DMXL2: variants seen among roughly 807,000 people sequenced by gnomAD.
DMXL2 encodes the protein dmX-like protein 2.
In DMXL2, 103 loss-of-function variants were observed where a neutral mutation model predicts 331.1. That is an observed-to-expected ratio of 0.31 (90% confidence interval 0.27 to 0.37). The LOEUF is 0.37. Ranked by LOEUF, DMXL2 falls within the 10% of genes least tolerant of loss-of-function variation. The pLI is 1.00. For missense variants in DMXL2, 3,171 were observed against 3,642.9 expected (o/e 0.87, Z 3.33); for synonymous variants, 1,281 against 1,252.1 (o/e 1.02, Z -0.49).
chr15:51,468,029 C>G (rs2140289419), intron 29 of DMXL2, among the ~76,000 whole-genome samples: 1 of 152,188 alleles, frequency 6.6e-6, no homozygotes, highest in East Asian at 1.9e-4. Flanking sequence ...CCGGGCCTGA[C>G]CTAGTACTTC....
intron 1 of DMXL2, among the ~76,000 whole-genome samples, chr15:51,585,440 C>A (rs981864416): frequency 6.6e-6 from 1 of 152,072 alleles, no homozygotes; most frequent in Non-Finnish European, 1.5e-5. Flanking sequence ...AATAGCTGCA[C>A]AGTATTAGTA....
chr15:51,538,372 T>A lies in DMXL2; in HGVS notation c.1186A>T (p.Lys396Ter). Residue 396 changes from lysine (K) to a stop codon, truncating the protein, a stop_gained, in exon 10 of 44, where the codon AAG becomes TAG. Coordinates refer to ENST00000560891, the MANE Select transcript of DMXL2 (RefSeq NM_001378457.1). LOFTEE classifies it high-confidence loss of function. ...GTAGATGATGTAAAATGAAATTCCTTGTTGTTTAACCAATGAACTACAAAG... is the reference window on the plus strand; with the variant it reads ...GTAGATGATGTAAAATGAAATTCCTAGTTGTTTAACCAATGAACTACAAAG... ...GGFVVHWLNNKEFHFTSSTEV... is the reference protein window; with the variant it reads ...GGFVVHWLNN The A allele has an allele frequency of 6.2e-7, 1 of 1,613,722 alleles. No homozygotes were observed. Among genetic ancestry groups the A allele is most frequent in the Non-Finnish European group, 8.5e-7 (1 of 1,179,728 alleles).
At chr15:51,457,916 C>A (rs2039781752) in intron 36 of DMXL2, 1 of 155,536 alleles carries the variant, frequency 6.4e-6, no homozygotes, top group African/African-American at 2.4e-5. Context: ...CTAGTTATAT[C>A]ACATACTAAC....
chr15:51,485,458 G>C (rs1226429209), intron 23 of DMXL2, among the ~76,000 whole-genome samples: 1 of 152,200 alleles, frequency 6.6e-6, no homozygotes, highest in Non-Finnish European at 1.5e-5. Context: ...ACATTCAGGT[G>C]CATGTTTGTA....
intron 13 of DMXL2, among the ~76,000 whole-genome samples, chr15:51,517,885 T>C (rs1382593705): frequency 6.6e-6 from 1 of 152,228 alleles, no homozygotes; most frequent in Non-Finnish European, 1.5e-5. Context: ...TTCTTATTTG[T>C]ATCAGTAGGA....
chr15:51,517,125 T>C lies in DMXL2; in HGVS notation c.2479A>G (p.Thr827Ala), dbSNP rs745544977. ...TCAATAATGCAGCCAGGTCGAGCAG[T>C]AGACTGTTGGCTCACAATATTAAAC... ...EVFNIVSQQS[T>A]ARPGCIIELD... Residue 827 changes from threonine (T) to alanine (A), a missense_variant, in exon 14 of 44, where the codon ACT (threonine) becomes GCT (alanine). Physicochemically the swap from Thr to Ala is moderately conservative, Grantham distance 58. Around this residue, in one of 7 missense-constraint regions of DMXL2, gnomAD observed 1,674 missense variants for 1,780.2 expected, o/e 0.94. Coordinates refer to ENST00000560891, the MANE Select transcript of DMXL2 (RefSeq NM_001378457.1). 6 of 1,614,086 alleles carry C rather than the reference T, an allele frequency of 3.7e-6. No individual in the cohort carries two copies. In the South Asian group the frequency reaches 4.4e-5, roughly 12 times the overall value.
In DMXL2 at chr15:51,547,423, G is replaced by C. The variant is rs2048946077; in HGVS notation, c.568-15C>G. 8 of 1,540,186 alleles carry C rather than the reference G, an allele frequency of 5.2e-6. No individual in the cohort carries two copies. The highest frequency in any genetic ancestry group is 7.0e-6 in the Non-Finnish European group (8 of 1,147,460). The stretch of plus-strand genomic sequence containing the variant: ...AGACAATCATCCTGAAAAATACATA[G>C]GTCAATATAAAATTAATTTGTACAT... On this transcript the variant is annotated splice_polypyrimidine_tract_variant and intron_variant, in intron 6 of 43. Transcript: ENST00000560891.
At chr15:51,497,044 T>C (rs924175423) in intron 18 of DMXL2, among the ~76,000 whole-genome samples, 1 of 152,352 alleles carries the variant, frequency 6.6e-6, no homozygotes, top group South Asian at 2.1e-4. Context: ...AATCATGCCA[T>C]GCCTACTTTC....
chr15:51,470,294 C>G (rs2040980363), intron 29 of DMXL2, among the ~76,000 whole-genome samples: 1 of 152,066 alleles, frequency 6.6e-6, no homozygotes, highest in African/African-American at 2.4e-5. Context: ...CAGCACTGCA[C>G]CTACGTTTTA....
At chr15:51,509,042 C>T (rs1365559425) in intron 15 of DMXL2, among the ~76,000 whole-genome samples, 6 of 151,770 alleles carry the variant, frequency 4.0e-5, no homozygotes. Flanking sequence ...ATTTTTTTTT[C>T]TGGTATGATA....
At chr15:51,601,105 C>T (rs943799641) in intron 1 of DMXL2, among the ~76,000 whole-genome samples, 3 of 152,132 alleles carry the variant, frequency 2.0e-5, no homozygotes, top group Admixed American at 1.3e-4. Context: ...CCCTGGCTAA[C>T]GTGGTGAAAC....
chr15:51,602,578 T>C (rs910278635), intron 1 of DMXL2, among the ~76,000 whole-genome samples: 3 of 152,182 alleles, frequency 2.0e-5, no homozygotes, highest in Admixed American at 1.3e-4. Context: ...ACAAACTTGC[T>C]TGTAAACTCC....
chr15:51,532,495 T>C (rs1473716863), intron 13 of DMXL2, among the ~76,000 whole-genome samples: 2 of 152,166 alleles, frequency 1.3e-5, no homozygotes, highest in African/African-American at 4.8e-5. Flanking sequence ...TAGTCAATAA[T>C]TTAATTGCTC....
intron 1 of DMXL2, among the ~76,000 whole-genome samples, chr15:51,585,911 C>T (rs1358831101): frequency 1.3e-5 from 2 of 152,154 alleles, no homozygotes; most frequent in African/African-American, 2.4e-5. Context: ...CCATTATTAA[C>T]TCCCACCCAC....
intron 6 of DMXL2, among the ~76,000 whole-genome samples, chr15:51,554,966 T>G (rs2049462625): frequency 6.6e-6 from 1 of 152,164 alleles, no homozygotes; most frequent in Non-Finnish European, 1.5e-5. Flanking sequence ...GAGACCAGCC[T>G]GGCCATCATG....
intron 13 of DMXL2, among the ~76,000 whole-genome samples, chr15:51,521,470 G>A (rs4775948): frequency 0.73 from 109,262 of 148,852 alleles, 40,362 homozygotes; most frequent in African/African-American, 0.76. Flanking sequence ...TAGTGGTAGT[G>A]GTAGTAGTAG....
chr15:51,579,268 G>A (rs551497344), intron 1 of DMXL2, among the ~76,000 whole-genome samples: 2 of 152,228 alleles, frequency 1.3e-5, no homozygotes, highest in East Asian at 3.9e-4. Flanking sequence ...TAATAACCAT[G>A]ATTACTGCTA....
chr15:51,474,446 G>T lies in DMXL2; in HGVS notation c.7111C>A (p.Arg2371=). Residue 2371 remains arginine, a synonymous_variant, in exon 28 of 44, where the codon CGG becomes AGG. Transcript: ENST00000560891. ...TTATTTAATGGGTGGGCTGCAAGCCGAAATAATTCACTGGAGGAATTTGTG... is the reference window on the plus strand; with the variant it reads ...TTATTTAATGGGTGGGCTGCAAGCCTAAATAATTCACTGGAGGAATTTGTG... ...LATNSSSELF[R]LAAHPLNNRM... 6.2e-7 allele frequency: 1 copy of T among 1,614,128 alleles called. No homozygotes were observed. Among genetic ancestry groups the T allele is most frequent in the Non-Finnish European group, 8.5e-7 (1 of 1,179,992 alleles).
chr15:51,592,495 A>G (rs2052449772), intron 1 of DMXL2, among the ~76,000 whole-genome samples: 1 of 152,240 alleles, frequency 6.6e-6, no homozygotes. Context: ...AACACTCTAC[A>G]GGATATTATC....
Sources: gnomAD v4.1 joint callset for allele counts (sites outside exome capture counted in the v4.1 genomes callset) on GRCh38, gnomAD v4.1.1 for gene constraint, gnomAD v4.1.1 regional missense constraint, MANE v1.5 for transcripts, NCBI Gene and HGNC (gene_info 2026-07-23, HGNC 2026-07-21) for gene names.